RECK: variants seen among roughly 807,000 people sequenced by gnomAD.
RECK encodes the protein reversion-inducing cysteine-rich protein with Kazal motifs.
RECK carries 69 observed loss-of-function variants against 115.1 expected under a neutral mutation model. The ratio of observed to expected loss-of-function variants is 0.60; its 90% CI spans 0.49 to 0.73. The LOEUF (loss-of-function observed/expected upper bound fraction) is 0.73. RECK is among the 30% of genes least tolerant of loss of function. The pLI, the probability that RECK is intolerant of heterozygous loss-of-function variation, is 0.00. For synonymous variants in RECK, 414 were observed against 419.7 expected, an observed-to-expected ratio of 0.99 and a Z score of 0.17; for missense variants, 1,047 against 1,203.7, an observed-to-expected ratio of 0.87 and a Z score of 1.93.
Position 36,109,792 on chromosome 9 carries a change from T to G in RECK, c.1766-165T>G, listed in dbSNP as rs571399955. 2.6e-5 allele frequency among the ~76,000 whole-genome samples: 4 copies of G among 151,060 alleles called. No homozygotes were observed. In the East Asian group the frequency reaches 7.8e-4, roughly 29 times the overall value. The stretch of plus-strand genomic sequence containing the variant: ...CCGGGAAGCGGAGGTTGCAGTGAGC[T>G]GGGATCACGCCAGTGCACTCCAGCC... On this transcript the variant is annotated intron_variant, in intron 14 of 20. Coordinates refer to ENST00000377966, the MANE Select transcript of RECK (RefSeq NM_021111.3).
At chr9:36,038,794 AAAACAAAC>A (rs563193137) in intron 1 of RECK, among the ~76,000 whole-genome samples, 1 of 151,830 alleles carries the variant, frequency 6.6e-6, no homozygotes. Context: ...TTCCTGTGGT[AAAACAAAC>A]AAACAAACAA....
Position 36,063,484 on chromosome 9 carries a change from T to G in RECK, c.272-311T>G, listed in dbSNP as rs1476544217. Among the ~76,000 whole-genome samples the G allele has an allele frequency of 3.3e-5, 5 of 152,322 alleles. No homozygotes were observed. In the East Asian group the frequency reaches 9.6e-4, roughly 29 times the overall value. ...AGAAAGCTCTCTTCCTTGCTTTCCT[T>G]CCCTTGTACGTCCTCTGGTAAAGAT... On this transcript the variant is annotated intron_variant, in intron 4 of 20. Coordinates refer to ENST00000377966, the MANE Select transcript of RECK (RefSeq NM_021111.3).
At chr9:36,091,859 T>A (rs1823165293) in intron 10 of RECK, among the ~76,000 whole-genome samples, 1 of 152,086 alleles carries the variant, frequency 6.6e-6, no homozygotes, top group Non-Finnish European at 1.5e-5. Flanking sequence ...CAGTTAATGG[T>A]TGAAGAAACC....
At chr9:36,121,143 C>A (rs374303518) in intron 19 of RECK, among the ~76,000 whole-genome samples, 1 of 152,214 alleles carries the variant, frequency 6.6e-6, no homozygotes, top group African/African-American at 2.4e-5. Context: ...CCGTTCCCTG[C>A]ATAGTTCTGC....
intron 8 of RECK, 54 bp downstream of exon 8, chr9:36,083,616 A>G (rs1379486755): frequency 1.3e-6 from 2 of 1,550,544 alleles, no homozygotes; most frequent in Non-Finnish European, 1.8e-6. Context: ...AATCGTTTGT[A>G]AAAAGAAGTG....
chr9:36,090,272 C>T (rs1305821250), intron 9 of RECK, among the ~76,000 whole-genome samples: 3 of 152,170 alleles, frequency 2.0e-5, no homozygotes, highest in African/African-American at 7.2e-5. Flanking sequence ...GTAAGCCTCA[C>T]TGATAGCAGG....
rs752871173 is a variant in RECK at position 36,100,380 on chromosome 9, A to T, written c.1135A>T (p.Met379Leu). 3 of 1,614,230 alleles carry T rather than the reference A, an allele frequency of 1.9e-6. No individual in the cohort carries two copies. The highest frequency in any genetic ancestry group is 2.5e-6 in the Non-Finnish European group (3 of 1,180,038). The change falls in exon 11 of 21, where the codon ATG (methionine) becomes TTG (leucine). Residue 379 changes from methionine (M) to leucine (L), a missense_variant. Transcript: ENST00000377966. Reference sequence around the variant, plus strand: ...TAATGCACAGTCAGATCAAGGAGCCATGAATGACATGAAGTTGTGGGAGAA... The same window carrying T: ...TAATGCACAGTCAGATCAAGGAGCCTTGAATGACATGAAGTTGTGGGAGAA... ...SCNAQSDQGA[M>L]NDMKLWEKGS...
chr9:36,101,983 TGTTAA>T, intron 11 of RECK, 106 bp from the exon 12 acceptor site: 2 of 1,026,920 alleles, frequency 1.9e-6, no homozygotes, highest in Non-Finnish European at 2.8e-6. Flanking sequence ...TTTTGAAACA[TGTTAA>T]GTTATGAAAG....
At chr9:36,076,482 C>A (rs1262913692) in intron 6 of RECK, among the ~76,000 whole-genome samples, 6 of 152,062 alleles carry the variant, frequency 3.9e-5, no homozygotes, top group African/African-American at 1.5e-4. Flanking sequence ...TGTTTTTGTG[C>A]CAGGTTTGCC....
At chr9:36,067,276 G>C (rs1002815466) in intron 6 of RECK, among the ~76,000 whole-genome samples, 2 of 152,028 alleles carry the variant, frequency 1.3e-5, no homozygotes, top group African/African-American at 4.8e-5. Context: ...TATGAACCAG[G>C]CTTTTAGTAT....
chr9:36,063,359 A>T (rs1351544481), intron 4 of RECK, among the ~76,000 whole-genome samples: 1 of 152,186 alleles, frequency 6.6e-6, no homozygotes, highest in Admixed American at 6.5e-5. Flanking sequence ...ATGCTATTCT[A>T]GGTATTTACT....
At chr9:36,039,335 G>A (rs1820786359) in intron 1 of RECK, among the ~76,000 whole-genome samples, 1 of 152,184 alleles carries the variant, frequency 6.6e-6, no homozygotes. Context: ...ATCCTAAACA[G>A]AATTAAGAAC....
intron 6 of RECK, among the ~76,000 whole-genome samples, chr9:36,071,837 G>A (rs1310715529): frequency 6.6e-6 from 1 of 152,106 alleles, no homozygotes; most frequent in Non-Finnish European, 1.5e-5. Flanking sequence ...TAAGACTGTT[G>A]AGGATTCTGT....
chr9:36,044,801 C>T (rs1439970675), intron 1 of RECK, among the ~76,000 whole-genome samples: 1 of 152,104 alleles, frequency 6.6e-6, no homozygotes, highest in Non-Finnish European at 1.5e-5. Flanking sequence ...AGGCAGAGGA[C>T]TGCATTCTAG....
intron 9 of RECK, among the ~76,000 whole-genome samples, chr9:36,090,227 G>A (rs577473103): frequency 1.3e-5 from 2 of 152,234 alleles, no homozygotes; most frequent in Admixed American, 1.3e-4. Context: ...GGTACCTGAT[G>A]TAACTTGATC....
At position 36,073,241 on chromosome 9, in the gene RECK, GACACAC is replaced by G. The variant is rs778489595; in HGVS notation, c.406-7332_406-7327del. 5.9e-4 allele frequency among the ~76,000 whole-genome samples: 40 copies of G among 67,558 alleles called. 1 individual carries two copies. Among genetic ancestry groups the G allele is most frequent in the Middle Eastern group, 9.4e-3 (1 of 106 alleles). The allele number at this position is 67,558 out of a possible 152,430, so 44.3% of individuals were successfully genotyped here. On this transcript the variant is annotated intron_variant, in intron 6 of 20. Transcript: ENST00000377966. ...ACACAGACACACACAGACACACACA[GACACAC>G]ACACACACACACACACACACACACA...
chr9:36,087,675 T>A lies in RECK; in HGVS notation c.638-19T>A, dbSNP rs1227411787. ...CAAAAAAAACAGCTAATTAAGCCAC[T>A]TATATTCTGAAAATGTAGGTTTATA... is the stretch of plus-strand genomic sequence containing the variant. On this transcript the variant is annotated intron_variant, in intron 8 of 20. Transcript: ENST00000377966. 1 of 1,608,260 alleles carries A rather than the reference T, an allele frequency of 6.2e-7. No homozygotes were observed. Among genetic ancestry groups the A allele is most frequent in the Middle Eastern group, 1.7e-4 (1 of 6,026 alleles).
At chr9:36,106,325 C>G (rs1823814171) in intron 13 of RECK, among the ~76,000 whole-genome samples, 1 of 151,306 alleles carries the variant, frequency 6.6e-6, no homozygotes, top group Admixed American at 6.6e-5. Flanking sequence ...ACCTCTACCT[C>G]CTGGGCTCAA....
At position 36,065,721 on chromosome 9, in the gene RECK, A is replaced by G. The variant is rs78998877; in HGVS notation, c.405+97A>G. On this transcript the variant is annotated intron_variant, in intron 6 of 20. Transcript: ENST00000377966. ...TTTAAAATGAATTTATTTTTATACA[A>G]CTTCCCTTTTACCTTACAGAAAATT... The G allele has an allele frequency of 6.1e-3, 6,081 of 1,003,418 alleles. 265 individuals carry two copies. In the African/African-American group the frequency reaches 0.087, roughly 14 times the overall value. The allele number at this position is 1,003,418 out of a possible 1,614,324, so 62.2% of individuals were successfully genotyped here. A position where few individuals can be genotyped will look rare whatever the true frequency, so the allele number is the denominator to read the frequency against.
Sources: gnomAD v4.1 joint callset for allele counts (sites outside exome capture counted in the v4.1 genomes callset) on GRCh38, gnomAD v4.1.1 for gene constraint, MANE v1.5 for transcripts, NCBI Gene and HGNC (gene_info 2026-07-23, HGNC 2026-07-21) for gene names.